POFUT3: variants seen among roughly 807,000 people sequenced by gnomAD.
The protein encoded by POFUT3 is GDP-fucose protein O-fucosyltransferase 3.
the POFUT3 span, among the ~76,000 whole-genome samples, chr8:33,466,556 T>A: frequency 6.6e-6 from 1 of 151,828 alleles, no homozygotes; most frequent in Admixed American, 6.6e-5. Flanking sequence ...CCAGCCAGGG[T>A]AGATAGTAGT....
the POFUT3 span, among the ~76,000 whole-genome samples, chr8:33,417,591 T>C: frequency 6.6e-6 from 1 of 151,306 alleles, no homozygotes; most frequent in Non-Finnish European, 1.5e-5. Context: ...ATAAAATAAA[T>C]CCTTAGGATA....
At chr8:33,345,125 A>G in the POFUT3 span, among the ~76,000 whole-genome samples, 1 of 152,226 alleles carries the variant, frequency 6.6e-6, no homozygotes, top group East Asian at 1.9e-4. Context: ...TTAAAAACAC[A>G]TTTGCAGTTG....
the POFUT3 span, among the ~76,000 whole-genome samples, chr8:33,358,482 T>C: frequency 2.6e-5 from 4 of 152,132 alleles, no homozygotes; most frequent in Non-Finnish European, 5.9e-5. Flanking sequence ...ACTGTAAATA[T>C]GGACTGTGTA....
At chr8:33,310,022 A>C in the POFUT3 span, among the ~76,000 whole-genome samples, 3 of 152,188 alleles carry the variant, frequency 2.0e-5, no homozygotes, top group African/African-American at 7.2e-5. Context: ...GAGTAGATTA[A>C]AAATAGGAAG....
At chr8:33,423,846 G>C in the POFUT3 span, among the ~76,000 whole-genome samples, 1 of 34,236 alleles carries the variant, frequency 2.9e-5, no homozygotes, top group Non-Finnish European at 6.9e-5. Flanking sequence ...AAAAAAAAAA[G>C]AGCCATTACT....
chr8:33,396,575 G>C, the POFUT3 span, among the ~76,000 whole-genome samples: 2 of 152,052 alleles, frequency 1.3e-5, no homozygotes, highest in Non-Finnish European at 2.9e-5. Flanking sequence ...CATCCATCTG[G>C]TGATAATGTA....
chr8:33,373,619 C>T, the POFUT3 span, among the ~76,000 whole-genome samples: 1 of 151,916 alleles, frequency 6.6e-6, no homozygotes, highest in Middle Eastern at 3.4e-3. Context: ...CTTAAAATGG[C>T]CTACATGTTC....
the POFUT3 span, among the ~76,000 whole-genome samples, chr8:33,311,363 C>T: frequency 2.0e-5 from 3 of 152,126 alleles, no homozygotes; most frequent in African/African-American, 7.2e-5. Flanking sequence ...GTGGTAAAAA[C>T]TCAATAGATA....
chr8:33,438,186 A>C, the POFUT3 span, among the ~76,000 whole-genome samples: 13 of 152,228 alleles, frequency 8.5e-5, no homozygotes, highest in Non-Finnish European at 1.6e-4. Context: ...AAAGCATCTG[A>C]AAAGTCAAGG....
At chr8:33,439,668 C>T in the POFUT3 span, among the ~76,000 whole-genome samples, 1 of 151,488 alleles carries the variant, frequency 6.6e-6, no homozygotes, top group Non-Finnish European at 1.5e-5. Flanking sequence ...GAATTCAACA[C>T]CAGCCTGGCC....
At chr8:33,341,502 A>AAT in the POFUT3 span, among the ~76,000 whole-genome samples, 3 of 151,918 alleles carry the variant, frequency 2.0e-5, no homozygotes, top group South Asian at 2.1e-4. Context: ...GCACACTTAT[A>AAT]ATATTTCAGT....
At chr8:33,440,497 T>A in the POFUT3 span, among the ~76,000 whole-genome samples, 1 of 152,242 alleles carries the variant, frequency 6.6e-6, no homozygotes, top group African/African-American at 2.4e-5. Context: ...ACCTAACCCA[T>A]AATAGGTTTT....
At chr8:33,380,044 T>G in the POFUT3 span, among the ~76,000 whole-genome samples, 1 of 79,994 alleles carries the variant, frequency 1.3e-5, no homozygotes, top group Non-Finnish European at 2.1e-5. Flanking sequence ...ATATACGATA[T>G]ATATACACTA....
the POFUT3 span, among the ~76,000 whole-genome samples, chr8:33,444,248 A>T: frequency 2.6e-5 from 4 of 151,994 alleles, no homozygotes; most frequent in Non-Finnish European, 5.9e-5. Flanking sequence ...TCATCTGGGC[A>T]CAGATCTGAC....
chr8:33,451,552 GTGTA>G, the POFUT3 span, among the ~76,000 whole-genome samples: 4 of 151,990 alleles, frequency 2.6e-5, no homozygotes, highest in South Asian at 2.1e-4. Context: ...ATGCATAAAT[GTGTA>G]TGTATGTGTA....
the POFUT3 span, among the ~76,000 whole-genome samples, chr8:33,464,030 C>T: frequency 1.3e-5 from 2 of 152,290 alleles, no homozygotes; most frequent in South Asian, 4.1e-4. Context: ...GCTGGCTTAA[C>T]CTCACCTCTC....
chr8:33,432,362 G>A, the POFUT3 span, among the ~76,000 whole-genome samples: 3 of 148,970 alleles, frequency 2.0e-5, no homozygotes, highest in Non-Finnish European at 1.5e-5. Flanking sequence ...AGCCAAGATC[G>A]CACCACTGCA....
the POFUT3 span, among the ~76,000 whole-genome samples, chr8:33,403,272 G>A: frequency 6.4e-5 from 5 of 78,326 alleles, no homozygotes; most frequent in East Asian, 8.1e-4. Flanking sequence ...TGGTGTGTGC[G>A]TGTGTGTGTG....
At chr8:33,309,199 T>TATATATATATATATATATATACAC in the POFUT3 span, among the ~76,000 whole-genome samples, 1 of 89,882 alleles carries the variant, frequency 1.1e-5, no homozygotes, top group African/African-American at 4.7e-5. Context: ...TATATATATA[T>TATATATATATATATATATATACAC]ACACACACAT....
Sources: allele counts gnomAD v4.1 joint callset (sites outside exome capture counted in the v4.1 genomes callset), GRCh38; gene constraint gnomAD v4.1.1; transcripts MANE v1.5; gene names NCBI Gene and HGNC (gene_info 2026-07-23, HGNC 2026-07-21).